Variants in GSN observed in about 807,000 individuals in gnomAD.
GSN encodes actin-depolymerizing factor.
A neutral mutation model predicts 85.7 loss-of-function variants in GSN; 56 were observed. The ratio of observed to expected loss-of-function variants is 0.65; its 90% CI spans 0.53 to 0.82. The LOEUF (loss-of-function observed/expected upper bound fraction) is 0.82. GSN is among the 40% of genes least tolerant of loss of function. The probability of loss-of-function intolerance (pLI) is 0.00; values close to 1 mark genes in which losing one functional copy is unlikely to be tolerated. For synonymous variants in GSN, 373 were observed against 399.1 expected, an observed-to-expected ratio of 0.93 and a Z score of 0.78; for missense variants, 857 against 979.8, an observed-to-expected ratio of 0.87 and a Z score of 1.67.
At position 121,317,088 on chromosome 9, in the gene GSN, C is replaced by A; in HGVS notation, c.756C>A (p.Val252=). ...TTCCTTCTGCTTCGTCCCCTCAGGT[C>A]TCCAATGGTGCAGGGACCATGTCCG... ...ANRKLAKLYK[V]SNGAGTMSVS... is the part of the protein sequence containing the mutation. Residue 252 remains valine (V), a splice_region_variant and synonymous_variant, in exon 8 of 18, where the codon GTC becomes GTA. Transcript: ENST00000432226. 6.2e-7 allele frequency: 1 copy of A among 1,614,166 alleles called. No individual in the cohort carries two copies. The highest frequency in any genetic ancestry group is 8.5e-7 in the Non-Finnish European group (1 of 1,180,020).
intron 12 of GSN, among the ~76,000 whole-genome samples, chr9:121,325,054 C>G (rs1289488145): frequency 6.6e-6 from 1 of 152,218 alleles, no homozygotes; most frequent in Non-Finnish European, 1.5e-5. Context: ...GTCCTCACCT[C>G]TGGGCAACGT....
At position 121,318,558 on chromosome 9, in the gene GSN, G is replaced by T. The variant is rs113041951; in HGVS notation, c.975+64G>T. ...TCCTGTTTGGAGGGGATGGGCTGGA[G>T]TAGGGCGGGTGTCCCACCCTCAGTG... On this transcript the variant is annotated intron_variant, in intron 9 of 17. Coordinates refer to ENST00000432226, the MANE Select transcript of GSN (RefSeq NM_198252.3). The surrounding 1 kb of genome is among the most constrained non-coding windows in gnomAD (Gnocchi z 4.3). The T allele has an allele frequency of 6.7e-7, 1 of 1,483,702 alleles. No homozygotes were observed. The highest frequency in any genetic ancestry group is 2.3e-5 in the East Asian group (1 of 44,228). 91.9% of individuals were successfully genotyped at this position (1,483,702 alleles called of 1,614,324 possible).
chr9:121,324,670 G>A, intron 12 of GSN, 26 bp downstream of exon 12: 6 of 1,154,638 alleles, frequency 5.2e-6, no homozygotes, highest in Non-Finnish European at 7.6e-6. Context: ...CGCCTCTCTG[G>A]GCTGCAGCCT....
intron 6 of GSN, among the ~76,000 whole-genome samples, chr9:121,262,181 T>C (rs189087701): frequency 1.9e-4 from 29 of 152,338 alleles, no homozygotes; most frequent in African/African-American, 2.6e-4. Flanking sequence ...AATTAAATAA[T>C]TCTTGATCCT....
intron 6 of GSN, chr9:121,313,672 G>A (rs771843699): frequency 1.3e-5 from 7 of 547,386 alleles, no homozygotes; most frequent in African/African-American, 3.8e-5. Flanking sequence ...GCCGGTAGGC[G>A]AAATATCTGA....
intron 6 of GSN, among the ~76,000 whole-genome samples, chr9:121,257,254 A>G (rs2054984280): frequency 6.6e-6 from 1 of 152,236 alleles, no homozygotes; most frequent in Admixed American, 6.5e-5. Context: ...AATAGTAGCT[A>G]TAATTTATTA....
At chr9:121,298,353 A>G (rs2059412625) in intron 2 of GSN, among the ~76,000 whole-genome samples, 1 of 152,128 alleles carries the variant, frequency 6.6e-6, no homozygotes. Flanking sequence ...TTTCTCCACG[A>G]AGCCTTCTTA....
intron 4 of GSN, among the ~76,000 whole-genome samples, chr9:121,306,233 A>G (rs1387998919): frequency 6.6e-6 from 1 of 152,236 alleles, no homozygotes; most frequent in Non-Finnish European, 1.5e-5. Flanking sequence ...TTGGGAACCC[A>G]TAGAATCACT....
At chr9:121,274,660 T>C (rs2056443172) in intron 1 of GSN, among the ~76,000 whole-genome samples, 1 of 152,066 alleles carries the variant, frequency 6.6e-6, no homozygotes, top group Non-Finnish European at 1.5e-5. Flanking sequence ...CGAGTGGGAA[T>C]TGATAGCTGC....
intron 6 of GSN, 43 bp downstream of exon 6, chr9:121,312,531 GC>G: frequency 6.5e-7 from 1 of 1,535,384 alleles, no homozygotes; most frequent in Non-Finnish European, 8.8e-7. Flanking sequence ...GGGACACGCT[GC>G]TCATGACTTT....
intron 4 of GSN, chr9:121,310,478 T>C: frequency 1.6e-6 from 1 of 616,048 alleles, no homozygotes; most frequent in South Asian, 1.9e-5. Flanking sequence ...TTTTATTCCT[T>C]TCCTAAACCT....
rs563521572 is a variant in GSN at position 121,318,204 on chromosome 9, T to C, written c.887-202T>C. On this transcript the variant is annotated intron_variant, in intron 8 of 17. Coordinates refer to ENST00000432226, the MANE Select transcript of GSN (RefSeq NM_198252.3). The surrounding 1 kb of genome is among the most constrained non-coding windows in gnomAD (Gnocchi z 4.3). ...TAAATGGACCACAGTAGTGTTGTGA[T>C]TGGTGTCACTGGCCAGCCCCAGGCT... 1.3e-5 allele frequency among the ~76,000 whole-genome samples: 2 copies of C among 152,206 alleles called. No homozygotes were observed. The highest frequency in any genetic ancestry group is 4.8e-5 in the African/African-American group (2 of 41,450).
rs2061963118 is a variant in GSN at position 121,318,369 on chromosome 9, C to T, written c.887-37C>T. The T allele has an allele frequency of 5.3e-6, 8 of 1,513,720 alleles. No individual in the cohort carries two copies. Among genetic ancestry groups the T allele is most frequent in the East Asian group, 4.5e-5 (2 of 44,328 alleles). 93.8% of individuals were successfully genotyped at this position (1,513,720 alleles called of 1,614,324 possible). A position where few individuals can be genotyped will look rare whatever the true frequency, so the allele number is the denominator to read the frequency against. The stretch of plus-strand genomic sequence containing the variant: ...GGTCAGGATGCAGCAGGATCCCGGG[C>T]CTCTAACCCTCCATCACTTCCTCTG... On this transcript the variant is annotated intron_variant, in intron 8 of 17. Coordinates refer to ENST00000432226, the MANE Select transcript of GSN (RefSeq NM_198252.3). This position sits in a 1 kb window ranked among gnomAD's most constrained non-coding sequence, Gnocchi z 4.3.
At chr9:121,248,580 G>T (rs1462587539) in intron 6 of GSN, among the ~76,000 whole-genome samples, 1 of 152,272 alleles carries the variant, frequency 6.6e-6, no homozygotes, top group East Asian at 1.9e-4. Context: ...TTACTGCTCT[G>T]AAAGAACACA....
intron 2 of GSN, among the ~76,000 whole-genome samples, chr9:121,294,176 A>T (rs1040921051): frequency 6.6e-6 from 1 of 152,182 alleles, no homozygotes; most frequent in African/African-American, 2.4e-5. Context: ...CTTCCCCTGC[A>T]GCTCTGCAGA....
intron 2 of GSN, among the ~76,000 whole-genome samples, chr9:121,288,297 T>C (rs182022661): frequency 6.6e-6 from 1 of 152,300 alleles, no homozygotes; most frequent in East Asian, 1.9e-4. Context: ...ATGCAAATTA[T>C]TGCCCTTCCA....
chr9:121,302,053 G>A lies in GSN; in HGVS notation c.82G>A (p.Val28Met). ...QIWRVEKFDL[V>M]PVPTNLYGDF... ...CTGGCGTGTGGAGAAGTTCGATCTG[G>A]TGCCCGTGCCCACCAACCTTTATGG... The change falls in exon 3 of 18, where the codon GTG (valine) becomes ATG (methionine). Residue 28 changes from valine (V) to methionine (M), a missense_variant. Val to Met is a conservative substitution (Grantham distance 21). Coordinates refer to ENST00000432226, the MANE Select transcript of GSN (RefSeq NM_198252.3). The A allele has an allele frequency of 6.2e-7, 1 of 1,614,250 alleles. No homozygotes were observed. Among genetic ancestry groups the A allele is most frequent in the East Asian group, 2.2e-5 (1 of 44,886 alleles).
intron 12 of GSN, among the ~76,000 whole-genome samples, chr9:121,324,928 A>G (rs2062971559): frequency 6.6e-6 from 1 of 152,202 alleles, no homozygotes; most frequent in South Asian, 2.1e-4. Flanking sequence ...ACACAGGCAC[A>G]CCAATGGCTA....
intron 5 of GSN, chr9:121,312,022 A>G: frequency 2.9e-6 from 1 of 339,220 alleles, no homozygotes; most frequent in South Asian, 3.2e-5. Context: ...TTTAGTGGCT[A>G]TGGCCAAATG....
Sources: gnomAD v4.1 joint callset for allele counts (sites outside exome capture counted in the v4.1 genomes callset) on GRCh38, gnomAD v4.1.1 for gene constraint, Gnocchi (gnomAD v3.1) non-coding constraint, MANE v1.5 for transcripts, NCBI Gene and HGNC (gene_info 2026-07-23, HGNC 2026-07-21) for gene names.